Variants in KDM2B observed in about 807,000 individuals in gnomAD.
The protein encoded by KDM2B is lysine demethylase 2B.
KDM2B carries 26 observed loss-of-function variants against 150.0 expected under a neutral mutation model. The ratio of observed to expected loss-of-function variants is 0.17; its 90% CI spans 0.13 to 0.24. KDM2B has a LOEUF of 0.24. KDM2B is among the 10% of genes least tolerant of loss of function. The probability of loss-of-function intolerance (pLI) is 1.00; values close to 1 mark genes in which losing one functional copy is unlikely to be tolerated. For synonymous variants in KDM2B, 734 were observed against 729.5 expected (o/e 1.01, Z -0.10); for missense variants, 1,265 against 1,816.9 (o/e 0.70, Z 5.52).
Position 121,442,273 on chromosome 12 carries a change from G to A in KDM2B, c.3168C>T (p.Pro1056=). Residue 1056 remains proline (P), a synonymous_variant, in exon 19 of 23, where the codon CCC becomes CCT. Coordinates refer to ENST00000377071, the MANE Select transcript of KDM2B (RefSeq NM_032590.5). This position sits in a 1 kb window ranked among gnomAD's most constrained non-coding sequence, Gnocchi z 7.7. ...PPISPPPDSL[P]LDDGAAHVMH... ...TGACGTGGGCTGCCCCATCGTCCAG[G>A]GGTAGCGAGTCAGGCGGGGGGCTGA... The A allele has an allele frequency of 1.2e-6, 2 of 1,612,716 alleles. No homozygotes were observed. The highest frequency in any genetic ancestry group is 1.1e-5 in the South Asian group (1 of 91,026).
At position 121,518,418 on chromosome 12, in the gene KDM2B, C is replaced by T. The variant is rs1230125742; in HGVS notation, c.1047+2567G>A. On this transcript the variant is annotated intron_variant, in intron 9 of 22. Coordinates refer to ENST00000377071, the MANE Select transcript of KDM2B (RefSeq NM_032590.5). This position sits in a 1 kb window ranked among gnomAD's most constrained non-coding sequence, Gnocchi z 4.4. ...AATCAAGGCAGATTAAACAACCTGC[C>T]GCTGCTCCCAGCCCAGTCTGCCCCC... 1.3e-5 allele frequency among the ~76,000 whole-genome samples: 2 copies of T among 152,210 alleles called. No homozygotes were observed. Among genetic ancestry groups the T allele is most frequent in the African/African-American group, 4.8e-5 (2 of 41,452 alleles).
At chr12:121,456,379 T>C (rs546693787) in intron 12 of KDM2B, among the ~76,000 whole-genome samples, 2 of 152,236 alleles carry the variant, frequency 1.3e-5, no homozygotes, top group Non-Finnish European at 2.9e-5. Context: ...CAGCCTACAA[T>C]AGCACTTTCT....
At position 121,533,065 on chromosome 12, in the gene KDM2B, T is replaced by C; in HGVS notation, c.778-106A>G. On this transcript the variant is annotated intron_variant, in intron 7 of 22. Transcript: ENST00000377071. This position sits in a 1 kb window ranked among gnomAD's most constrained non-coding sequence, Gnocchi z 4.1. ...AGGGGAGGGGGCGAGACAAGCTGTG[T>C]GTGGGGTGGGGGGTGTGGAGAGATG... 1 of 1,133,152 alleles carries C rather than the reference T, an allele frequency of 8.8e-7. No homozygotes were observed. The highest frequency in any genetic ancestry group is 1.3e-6 in the Non-Finnish European group (1 of 783,056). 70.2% of individuals were successfully genotyped at this position (1,133,152 alleles called of 1,614,324 possible).
intron 22 of KDM2B, among the ~76,000 whole-genome samples, chr12:121,437,494 T>C (rs1410777445): frequency 6.9e-6 from 1 of 143,992 alleles, no homozygotes; most frequent in Non-Finnish European, 1.5e-5. Context: ...AATAAATATA[T>C]AATGTCCACA....
In KDM2B at chr12:121,453,353, G is replaced by C. The variant is rs781968501; in HGVS notation, c.1735-9C>G. ...CGACCCACAGCCCGGTTCTGCAGGG[G>C]AACAGACACGACTGGTCAGATGGGG... is the stretch of plus-strand genomic sequence containing the variant. On this transcript the variant is annotated splice_polypyrimidine_tract_variant and intron_variant, in intron 12 of 22. Coordinates refer to ENST00000377071, the MANE Select transcript of KDM2B (RefSeq NM_032590.5). This position sits in a 1 kb window ranked among gnomAD's most constrained non-coding sequence, Gnocchi z 6.4. 3 of 1,554,984 alleles carry C rather than the reference G, an allele frequency of 1.9e-6. No individual in the cohort carries two copies. Among genetic ancestry groups the C allele is most frequent in the African/African-American group, 2.7e-5 (2 of 73,374 alleles).
the KDM2B span, among the ~76,000 whole-genome samples, chr12:121,415,944 TAAAC>T: frequency 9.2e-5 from 14 of 152,062 alleles, no homozygotes; most frequent in African/African-American, 3.4e-4. Context: ...CTCTTTTTGT[TAAAC>T]AAGAGATCAT....
rs369594854 is a variant in KDM2B, at chr12:121,442,868, T to A, written c.2605-32A>T. ...GCGAGAGCGGAGACGCGTCAGCCTC[T>A]GGGGCTCAGGGCTGCGCCCGCCCAA... On this transcript the variant is annotated intron_variant, in intron 18 of 22. Coordinates refer to ENST00000377071, the MANE Select transcript of KDM2B (RefSeq NM_032590.5). The surrounding 1 kb of genome is among the most constrained non-coding windows in gnomAD (Gnocchi z 7.7). 6.6e-7 allele frequency: 1 copy of A among 1,524,400 alleles called. No individual in the cohort carries two copies. Among genetic ancestry groups the A allele is most frequent in the African/African-American group, 1.4e-5 (1 of 71,616 alleles). The allele number at this position is 1,524,400 out of a possible 1,614,324, so 94.4% of individuals were successfully genotyped here.
intron 1 of KDM2B, among the ~76,000 whole-genome samples, chr12:121,579,162 A>T (rs1225963922): frequency 4.6e-5 from 7 of 152,128 alleles, no homozygotes; most frequent in African/African-American, 1.7e-4. Flanking sequence ...TACGCGGGGT[A>T]CTCCCCTCCG....
intron 17 of KDM2B, 34 bp from the exon 18 acceptor site, chr12:121,443,064 C>A: frequency 6.3e-7 from 1 of 1,591,594 alleles, no homozygotes; most frequent in South Asian, 1.1e-5. Flanking sequence ...AGAGCTTGCT[C>A]CCCGGGCTCG....
rs547167572 is a variant in KDM2B, at chr12:121,447,231, A to G, written c.1960-1813T>C. On this transcript the variant is annotated intron_variant, in intron 13 of 22. Transcript: ENST00000377071. ...AGACAAAACACAGAAGCAGATATGA[A>G]AATTCCAGGTCTTCTCTTTTTTTTT... Among the ~76,000 whole-genome samples the G allele has an allele frequency of 4.6e-5, 7 of 152,008 alleles. No homozygotes were observed. In the East Asian group the frequency reaches 1.4e-3, roughly 29 times the overall value.
chr12:121,564,233 G>A (rs572589994), intron 4 of KDM2B, among the ~76,000 whole-genome samples: 6 of 152,194 alleles, frequency 3.9e-5, no homozygotes, highest in African/African-American at 1.4e-4. Context: ...TGAAGCGGGT[G>A]GATCACGAGG....
At chr12:121,579,067 A>G (rs1891732334) in intron 1 of KDM2B, 121 bp from the exon 2 acceptor site, 4 of 1,101,686 alleles carry the variant, frequency 3.6e-6, no homozygotes, top group South Asian at 1.5e-5. Context: ...CACCATTGCA[A>G]CCCAAGCAAC....
intron 12 of KDM2B, among the ~76,000 whole-genome samples, chr12:121,454,637 G>A (rs1373326678): frequency 2.6e-5 from 4 of 152,186 alleles, no homozygotes; most frequent in Non-Finnish European, 5.9e-5. Context: ...TGGGGTGGCT[G>A]AGAAATGGTG....
At chr12:121,510,602 G>A (rs996879971) in intron 10 of KDM2B, among the ~76,000 whole-genome samples, 3 of 152,054 alleles carry the variant, frequency 2.0e-5, no homozygotes, top group African/African-American at 4.8e-5. Flanking sequence ...AGACCAGACT[G>A]AGAAACACAG....
At chr12:121,426,335 GA>G (rs1872509066), downstream of KDM2B, among the ~76,000 whole-genome samples, 1 of 152,070 alleles carries the variant, frequency 6.6e-6, no homozygotes, top group Non-Finnish European at 1.5e-5. Context: ...TCAGACAACA[GA>G]AATGTTTAGT....
At chr12:121,535,669 T>C (rs1015577606) in intron 6 of KDM2B, among the ~76,000 whole-genome samples, 1 of 152,126 alleles carries the variant, frequency 6.6e-6, no homozygotes, top group Non-Finnish European at 1.5e-5. Flanking sequence ...ACTTGGACCT[T>C]GGAGGCTGGG....
chr12:121,553,112 G>A (rs1566410436), intron 4 of KDM2B, among the ~76,000 whole-genome samples: 1 of 151,490 alleles, frequency 6.6e-6, no homozygotes, highest in Non-Finnish European at 1.5e-5. Flanking sequence ...GGCGCCTGTA[G>A]TCCCAGCTAC....
chr12:121,443,357 G>C (rs140760315), intron 17 of KDM2B: 28 of 574,948 alleles, frequency 4.9e-5, no homozygotes, highest in East Asian at 2.7e-4. Flanking sequence ...GGGAATCCCC[G>C]GCCCAGCAGG....
At chr12:121,566,987 T>C (rs1468668937) in intron 4 of KDM2B, among the ~76,000 whole-genome samples, 5 of 151,946 alleles carry the variant, frequency 3.3e-5, no homozygotes, top group Non-Finnish European at 5.9e-5. Context: ...GTTCAGGTGA[T>C]TCTCCTGCCT....
Sources: allele counts gnomAD v4.1 joint callset (sites outside exome capture counted in the v4.1 genomes callset), GRCh38; gene constraint gnomAD v4.1.1; non-coding constraint Gnocchi (gnomAD v3.1); transcripts MANE v1.5; gene names NCBI Gene and HGNC (gene_info 2026-07-23, HGNC 2026-07-21).